HSH2D: variants seen among roughly 807,000 people sequenced by gnomAD.
HSH2D encodes hematopoietic SH2 domain-containing protein.
Under a neutral mutation model 21.5 loss-of-function variants are expected in HSH2D, and 16 were observed. The ratio of observed to expected loss-of-function variants is 0.74; its 90% CI spans 0.50 to 1.13. The LOEUF (loss-of-function observed/expected upper bound fraction) is 1.13. HSH2D is among the 50% of genes most tolerant of loss of function. The probability of loss-of-function intolerance (pLI) is 0.00; values close to 1 mark genes in which losing one functional copy is unlikely to be tolerated. For synonymous variants in HSH2D, 172 were observed against 184.7 expected, an observed-to-expected ratio of 0.93 and a Z score of 0.56; for missense variants, 418 against 441.4, an observed-to-expected ratio of 0.95 and a Z score of 0.47.
Position 16,157,889 on chromosome 19 carries a change from C to G in HSH2D, c.*95C>G. On this transcript the variant is annotated 3_prime_UTR_variant, in exon 6 of 6. Transcript: ENST00000613986. The surrounding 1 kb of genome is among the most constrained non-coding windows in gnomAD (Gnocchi z 4.4). Reference sequence around the variant, plus strand: ...CTTCCATGGCCCCACACCATGGCATCCGGGGGTCTTCGGGAACCCGGGAAA... The same window carrying G: ...CTTCCATGGCCCCACACCATGGCATGCGGGGGTCTTCGGGAACCCGGGAAA... 2.2e-6 allele frequency: 2 copies of G among 928,378 alleles called. No individual in the cohort carries two copies. 57.5% of individuals were successfully genotyped at this position (928,378 alleles called of 1,614,324 possible).
upstream of HSH2D, among the ~76,000 whole-genome samples, chr19:16,142,720 C>G (rs909298470): frequency 1.3e-5 from 2 of 152,128 alleles, no homozygotes; most frequent in East Asian, 3.9e-4. Context: ...ACCTTGGCCT[C>G]CCAAAGTGCT....
At chr19:16,153,598 T>C in intron 4 of HSH2D, among the ~76,000 whole-genome samples, 1 of 148,704 alleles carries the variant, frequency 6.7e-6, no homozygotes, top group South Asian at 2.1e-4. Context: ...GGAGCATCTT[T>C]CCTTAGAAGG....
At chr19:16,143,912 AG>A in intron 1 of HSH2D, 138 bp downstream of exon 1, 1 of 260,526 alleles carries the variant, frequency 3.8e-6, no homozygotes, top group Non-Finnish European at 8.2e-6. Context: ...TTCGTGGAGG[AG>A]GGGGTATTTG....
intron 5 of HSH2D, among the ~76,000 whole-genome samples, chr19:16,155,097 A>AG (rs2091220749): frequency 6.6e-6 from 1 of 152,216 alleles, no homozygotes; most frequent in African/African-American, 2.4e-5. Flanking sequence ...GTGCTTAACT[A>AG]ATGAATCTGT....
intron 2 of HSH2D, among the ~76,000 whole-genome samples, chr19:16,152,061 C>A (rs377433446): frequency 7.1e-6 from 1 of 141,016 alleles, no homozygotes; most frequent in African/African-American, 2.6e-5. Context: ...AAGCCAAGGT[C>A]ACGCCATTGC....
rs147090383 is a variant in HSH2D at position 16,157,080 on chromosome 19, G to A, written c.475-130G>A. The A allele has an allele frequency of 1.2e-3, 813 of 680,132 alleles. 10 individuals carry two copies. In the African/African-American group the frequency reaches 0.013, roughly 11 times the overall value. The allele number at this position is 680,132 out of a possible 1,614,324, so 42.1% of individuals were successfully genotyped here. On this transcript the variant is annotated intron_variant, in intron 5 of 5. Coordinates refer to ENST00000613986, the MANE Select transcript of HSH2D (RefSeq NM_001382417.1). The surrounding 1 kb of genome is among the most constrained non-coding windows in gnomAD (Gnocchi z 4.4). The stretch of plus-strand genomic sequence containing the variant: ...CGAGAAAGATGGGGCATGGGATCAG[G>A]TTTGGGGGTTCACACGGGGACGTTT...
intron 1 of HSH2D, among the ~76,000 whole-genome samples, chr19:16,148,121 G>C (rs1411359733): frequency 6.6e-6 from 1 of 151,968 alleles, no homozygotes; most frequent in Non-Finnish European, 1.5e-5. Context: ...ACCACACCCA[G>C]CTAATTTTTA....
intron 2 of HSH2D, chr19:16,151,433 T>A: frequency 2.4e-6 from 1 of 422,996 alleles, no homozygotes; most frequent in Non-Finnish European, 4.8e-6. Flanking sequence ...TGCAAGTTCT[T>A]TCTGTTCTCA....
At chr19:16,152,275 G>A (rs768932126) in intron 2 of HSH2D, among the ~76,000 whole-genome samples, 1 of 151,732 alleles carries the variant, frequency 6.6e-6, no homozygotes, top group East Asian at 1.9e-4. Flanking sequence ...AAAATTAGCC[G>A]GGCGTGGTGG....
chr19:16,147,345 G>A (rs149284359), intron 1 of HSH2D, among the ~76,000 whole-genome samples: 2,407 of 151,542 alleles, frequency 0.016, 60 homozygotes, highest in African/African-American at 0.053. Context: ...TTAGCCAGGC[G>A]TGGTGGCACA....
Position 16,157,843 on chromosome 19 carries a change from C to A in HSH2D, c.*49C>A. Reference sequence around the variant, plus strand: ...GGACTCGCTGCCAGGGGCTGCCACACTCCTGAATGCCTTAACATTTCTTCC... The same window carrying A: ...GGACTCGCTGCCAGGGGCTGCCACAATCCTGAATGCCTTAACATTTCTTCC... On this transcript the variant is annotated 3_prime_UTR_variant, in exon 6 of 6. Coordinates refer to ENST00000613986, the MANE Select transcript of HSH2D (RefSeq NM_001382417.1). This position sits in a 1 kb window ranked among gnomAD's most constrained non-coding sequence, Gnocchi z 4.4. 7.6e-7 allele frequency: 1 copy of A among 1,324,476 alleles called. No individual in the cohort carries two copies. Among genetic ancestry groups the A allele is most frequent in the Non-Finnish European group, 1.0e-6 (1 of 978,944 alleles). The allele number at this position is 1,324,476 out of a possible 1,614,324, so 82.0% of individuals were successfully genotyped here.
chr19:16,154,442 CCAA>C lies in HSH2D; in HGVS notation c.427_429del (p.Asn143del). 2.6e-6 allele frequency: 4 copies of C among 1,552,672 alleles called. No individual in the cohort carries two copies. Among genetic ancestry groups the C allele is most frequent in the Non-Finnish European group, 3.5e-6 (4 of 1,147,696 alleles). On this transcript the variant is annotated inframe_deletion, in exon 5 of 6. Transcript: ENST00000613986. The stretch of plus-strand genomic sequence containing the variant: ...GATTACGAGGATCTCTTCCTCTACT[CCAA>C]CGCAGTGGCCGAGGAAGCTGCCTGC...
At chr19:16,146,738 G>A (rs2091075478) in intron 1 of HSH2D, among the ~76,000 whole-genome samples, 1 of 151,748 alleles carries the variant, frequency 6.6e-6, no homozygotes, top group Admixed American at 6.6e-5. Context: ...ACCACCGTTG[G>A]GTCAGCTGTT....
chr19:16,137,284 ATCATCACTGTCC>A (rs1033264225), intron 1 of HSH2D, among the ~76,000 whole-genome samples: 17 of 152,170 alleles, frequency 1.1e-4, no homozygotes, highest in African/African-American at 3.9e-4. Context: ...TGATATCAGC[ATCATCACTGTCC>A]TCATCACTGT....
intron 1 of HSH2D, among the ~76,000 whole-genome samples, chr19:16,148,402 G>A (rs536725836): frequency 6.6e-6 from 1 of 152,202 alleles, no homozygotes; most frequent in South Asian, 2.1e-4. Flanking sequence ...ACCCACCTTG[G>A]CTTCCCAAAG....
upstream of HSH2D, among the ~76,000 whole-genome samples, chr19:16,141,106 C>T (rs796727744): frequency 8.5e-5 from 13 of 152,336 alleles, 1 homozygote; most frequent in African/African-American, 3.1e-4. Flanking sequence ...AGCATCTTCA[C>T]ATGATTAAGG....
At chr19:16,136,098 G>A (rs1295453772) in intron 1 of HSH2D, among the ~76,000 whole-genome samples, 1 of 152,108 alleles carries the variant, frequency 6.6e-6, no homozygotes, top group South Asian at 2.1e-4. Flanking sequence ...CTGCCCTGGT[G>A]GTCCCTGGCT....
chr19:16,155,087 GTGCTTA>G (rs2091220518), intron 5 of HSH2D, among the ~76,000 whole-genome samples: 1 of 152,254 alleles, frequency 6.6e-6, no homozygotes, highest in African/African-American at 2.4e-5. Flanking sequence ...CATATTGAAG[GTGCTTA>G]ACTAATGAAT....
intron 1 of HSH2D, among the ~76,000 whole-genome samples, chr19:16,145,455 C>T (rs928517190): frequency 3.3e-5 from 5 of 152,054 alleles, no homozygotes; most frequent in East Asian, 3.9e-4. Context: ...TCAGGCAATC[C>T]GCCTGCCTCA....
Sources: gnomAD v4.1 joint callset for allele counts (sites outside exome capture counted in the v4.1 genomes callset) on GRCh38, gnomAD v4.1.1 for gene constraint, Gnocchi (gnomAD v3.1) non-coding constraint, MANE v1.5 for transcripts, NCBI Gene and HGNC (gene_info 2026-07-23, HGNC 2026-07-21) for gene names.